The following EFHC1 variants were observed in gnomAD, a reference collection of about 807,000 sequenced individuals.
The protein encoded by EFHC1 is EF-hand domain-containing protein 1.
Under a neutral mutation model 69.9 loss-of-function variants are expected in EFHC1, and 53 were observed. That is an observed-to-expected ratio of 0.76 (90% CI 0.61 to 0.95). The LOEUF is 0.95. Ranked by LOEUF, EFHC1 falls within the 40% of genes least tolerant of loss-of-function variation. The probability of loss-of-function intolerance (pLI) is 0.00; values close to 1 mark genes in which losing one functional copy is unlikely to be tolerated. For missense variants in EFHC1, 739 were observed against 798.7 expected, an observed-to-expected ratio of 0.93 and a Z score of 0.90; for synonymous variants, 256 against 278.4, an observed-to-expected ratio of 0.92 and a Z score of 0.80.
At position 52,450,547 on chromosome 6, in the gene EFHC1, C is replaced by T. The variant is rs1482124447; in HGVS notation, c.574-2141C>T. Among the ~76,000 whole-genome samples, 4 of 152,096 alleles carry T rather than the reference C, an allele frequency of 2.6e-5. No individual in the cohort carries two copies. In the East Asian group the frequency reaches 7.7e-4, roughly 29 times the overall value. On this transcript the variant is annotated intron_variant, in intron 3 of 10. Transcript: ENST00000371068. ...TTTTTTTGTTGAGTTGGATCCTTTA[C>T]CATTATACAGTGCCCTTCTTTGTCT...
chr6:52,445,833 G>A (rs981842597), intron 3 of EFHC1, among the ~76,000 whole-genome samples: 4 of 152,194 alleles, frequency 2.6e-5, no homozygotes, highest in African/African-American at 9.7e-5. Flanking sequence ...TAGTCATTCA[G>A]GAGCAGGTTG....
intron 2 of EFHC1, 50 bp from the exon 3 acceptor site, chr6:52,438,254 A>G: frequency 6.4e-7 from 1 of 1,562,450 alleles, no homozygotes; most frequent in Non-Finnish European, 8.7e-7. Context: ...TTTTCAGATG[A>G]CTATGACAAG....
intron 5 of EFHC1, among the ~76,000 whole-genome samples, chr6:52,463,194 ATTT>A (rs35702967): frequency 7.5e-6 from 1 of 133,002 alleles, no homozygotes. Flanking sequence ...CACCCAGCTA[ATTT>A]TTTTTTTTTT....
At chr6:52,432,605 A>T (rs1437482637) in intron 2 of EFHC1, among the ~76,000 whole-genome samples, 1 of 152,142 alleles carries the variant, frequency 6.6e-6, no homozygotes, top group Non-Finnish European at 1.5e-5. Context: ...TTTATAGGTT[A>T]CCTGGTGCAT....
chr6:52,467,688 A>T (rs1427056208), intron 6 of EFHC1, among the ~76,000 whole-genome samples: 1 of 152,214 alleles, frequency 6.6e-6, no homozygotes, highest in African/African-American at 2.4e-5. Flanking sequence ...GTATAATAAA[A>T]CTAATTTTAT....
At position 52,494,739 on chromosome 6, in the gene EFHC1, CATT is replaced by C. The variant is rs1266606503; in HGVS notation, c.*2401_*2403del. The C allele has an allele frequency of 2.9e-5, 13 of 453,964 alleles. No homozygotes were observed. In the Admixed American group the frequency reaches 3.1e-4, roughly 11 times the overall value. The allele number at this position is 453,964 out of a possible 1,614,324, so 28.1% of individuals were successfully genotyped here. On this transcript the variant is annotated 3_prime_UTR_variant, in exon 11 of 11. Coordinates refer to ENST00000371068, the MANE Select transcript of EFHC1 (RefSeq NM_018100.4). Reference sequence around the variant, plus strand: ...AGTCCCCAGTGTCTATTGTTCCCATCATTATGTCTATGTGTATTCAATGTTTAG... The same window carrying C: ...AGTCCCCAGTGTCTATTGTTCCCATCATGTCTATGTGTATTCAATGTTTAG...
At chr6:52,423,669 T>TTTTC in intron 1 of EFHC1, 9 of 451,598 alleles carry the variant, frequency 2.0e-5, no homozygotes, top group South Asian at 6.2e-5. Flanking sequence ...TTTTTTTTTT[T>TTTTC]TTTTTTTTTT....
intron 2 of EFHC1, among the ~76,000 whole-genome samples, chr6:52,427,978 T>C (rs112249662): frequency 1.1e-4 from 17 of 152,230 alleles, no homozygotes; most frequent in African/African-American, 3.9e-4. Context: ...CCAGCTAACA[T>C]TGTGACCTTG....
At chr6:52,432,749 G>A (rs774421639) in intron 2 of EFHC1, among the ~76,000 whole-genome samples, 1 of 151,696 alleles carries the variant, frequency 6.6e-6, no homozygotes. Context: ...GATGTCTAGA[G>A]AAGTTTTCCT....
At chr6:52,431,603 G>T (rs139137816) in intron 2 of EFHC1, among the ~76,000 whole-genome samples, 1 of 152,162 alleles carries the variant, frequency 6.6e-6, no homozygotes, top group Non-Finnish European at 1.5e-5. Flanking sequence ...ATTTATTGAG[G>T]CTAATTTTGT....
rs747171841 is a variant in EFHC1, at chr6:52,492,306, A to C, written c.1888A>C (p.Asn630His). 6.2e-7 allele frequency: 1 copy of C among 1,614,034 alleles called. No individual in the cohort carries two copies. The highest frequency in any genetic ancestry group is 1.7e-5 in the Admixed American group (1 of 60,024). Residue 630 changes from asparagine (N) to histidine (H), a missense_variant, in exon 11 of 11, where the codon AAC becomes CAC. By Grantham distance (68) the Asn-to-His change is moderately conservative. Transcript: ENST00000371068. Reference protein sequence around the residue: ...RMCSHGEGKINYYNFVRAFSN With the variant: ...RMCSHGEGKIHYYNFVRAFSN ...GTGCTCTCATGGAGAAGGCAAAATT[A>C]ACTACTATAACTTTGTTCGTGCTTT...
chr6:52,454,746 T>C (rs1044418049), intron 5 of EFHC1, among the ~76,000 whole-genome samples: 1 of 152,168 alleles, frequency 6.6e-6, no homozygotes, highest in African/African-American at 2.4e-5. Flanking sequence ...CTGTGACTCA[T>C]AGAGGTGAGG....
intron 1 of EFHC1, among the ~76,000 whole-genome samples, chr6:52,420,775 C>T (rs185539161): frequency 3.9e-5 from 6 of 152,220 alleles, no homozygotes; most frequent in Non-Finnish European, 7.4e-5. Context: ...TCTTACGGCC[C>T]TGCTCCTCCA....
chr6:52,458,616 A>C (rs1316716363), intron 5 of EFHC1, among the ~76,000 whole-genome samples: 1 of 152,052 alleles, frequency 6.6e-6, no homozygotes, highest in Non-Finnish European at 1.5e-5. Flanking sequence ...TATTAAGTCA[A>C]AAAATAACAG....
Position 52,493,448 on chromosome 6 carries a change from A to G in EFHC1, c.*1107A>G. 1 of 394,142 alleles carries G rather than the reference A, an allele frequency of 2.5e-6. No individual in the cohort carries two copies. Among genetic ancestry groups the G allele is most frequent in the Non-Finnish European group, 4.9e-6 (1 of 203,466 alleles). The allele number at this position is 394,142 out of a possible 1,614,324, so 24.4% of individuals were successfully genotyped here. ...GTATACATATAGTATGTATATGTGT[A>G]TATATATTATGTATATACATATATG... On this transcript the variant is annotated 3_prime_UTR_variant, in exon 11 of 11. Coordinates refer to ENST00000371068, the MANE Select transcript of EFHC1 (RefSeq NM_018100.4).
intron 3 of EFHC1, among the ~76,000 whole-genome samples, chr6:52,449,155 G>A (rs976026293): frequency 2.2e-4 from 34 of 152,218 alleles, no homozygotes; most frequent in Admixed American, 1.5e-3. Flanking sequence ...AGGCTGAGGC[G>A]GGTGGATCAT....
intron 3 of EFHC1, among the ~76,000 whole-genome samples, chr6:52,441,037 T>G (rs1562447918): frequency 6.6e-6 from 1 of 152,294 alleles, no homozygotes; most frequent in South Asian, 2.1e-4. Flanking sequence ...ATATTGGACC[T>G]TTGTCAGATG....
At chr6:52,478,991 A>G (rs1355125075) in intron 7 of EFHC1, 46 bp from the exon 8 acceptor site, 1 of 1,587,774 alleles carries the variant, frequency 6.3e-7, no homozygotes, top group Non-Finnish European at 8.6e-7. Context: ...GCACATCTGC[A>G]TAGACCATGA....
rs1024305057 is a variant in EFHC1 at position 52,481,873 on chromosome 6, C to T, written c.1640+2086C>T. 2.0e-5 allele frequency: 3 copies of T among 152,248 alleles called. No individual in the cohort carries two copies. The East Asian group carries it at 5.8e-4, about 29-fold the overall frequency. 9.4% of individuals were successfully genotyped at this position (152,248 alleles called of 1,614,324 possible). A position where few individuals can be genotyped will look rare whatever the true frequency, so the allele number is the denominator to read the frequency against. Reference sequence around the variant, plus strand: ...AAAGAATGGCTCTAAGAACTAAGCTCTGGGGTCCACCAACGCTTACAGTTA... The same window carrying T: ...AAAGAATGGCTCTAAGAACTAAGCTTTGGGGTCCACCAACGCTTACAGTTA... On this transcript the variant is annotated intron_variant, in intron 9 of 10. Transcript: ENST00000371068.
Sources: gnomAD v4.1 joint callset for allele counts (sites outside exome capture counted in the v4.1 genomes callset) on GRCh38, gnomAD v4.1.1 for gene constraint, MANE v1.5 for transcripts, NCBI Gene and HGNC (gene_info 2026-07-23, HGNC 2026-07-21) for gene names.